The following APC variants were observed in gnomAD, a reference collection of about 807,000 sequenced individuals.
APC encodes the protein adenomatous polyposis coli protein.
In APC, 72 loss-of-function variants were observed where a neutral mutation model predicts 247.0. That is an observed-to-expected ratio of 0.29 (90% confidence interval 0.24 to 0.35). The LOEUF (loss-of-function observed/expected upper bound fraction) is 0.35, where lower values mean the gene tolerates loss of function less well. Ranked by LOEUF, APC falls within the 10% of genes least tolerant of loss-of-function variation. The pLI, the probability that APC is intolerant of heterozygous loss-of-function variation, is 1.00. For synonymous variants in APC, 1,254 were observed against 1,162.5 expected (o/e 1.08, Z -1.60); for missense variants, 3,400 against 3,360.7 (o/e 1.01, Z -0.29).
intron 11 of APC, among the ~76,000 whole-genome samples, chr5:112,826,905 G>A (rs892346730): frequency 2.0e-5 from 3 of 152,118 alleles, no homozygotes; most frequent in Non-Finnish European, 4.4e-5. Context: ...GCATAAAATG[G>A]AATAATTGTC....
At chr5:112,707,674 G>GA in exon 1 of APC, 1 of 1,370,262 alleles carries the variant, frequency 7.3e-7, no homozygotes, top group Non-Finnish European at 9.6e-7. Context: ...TGTTGGTGAG[G>GA]AAGGTGAAGC....
intron 1 of APC, among the ~76,000 whole-genome samples, chr5:112,708,577 T>G (rs965020031): frequency 6.6e-6 from 1 of 152,212 alleles, no homozygotes; most frequent in African/African-American, 2.4e-5. Context: ...AAAGAAGACC[T>G]TATGCAGTAC....
intron 1 of APC, among the ~76,000 whole-genome samples, chr5:112,717,902 C>CTTTTTCTTTT (rs1751262311): frequency 4.5e-5 from 1 of 22,294 alleles, no homozygotes; most frequent in African/African-American, 1.6e-4. Context: ...TTTTCTTTTT[C>CTTTTTCTTTT]TTTTTCTTTT....
chr5:112,837,419 G>A, intron 15 of APC, 134 bp from the exon 16 acceptor site: 1 of 619,778 alleles, frequency 1.6e-6, no homozygotes, highest in Admixed American at 2.9e-5. Context: ...TAGAACAAAA[G>A]GAGATGTGGA....
At chr5:112,812,325 T>C (rs565917903) in intron 8 of APC, among the ~76,000 whole-genome samples, 1 of 152,322 alleles carries the variant, frequency 6.6e-6, no homozygotes, top group South Asian at 2.1e-4. Context: ...ATTTCCCTTC[T>C]ATAGACCAAG....
intron 6 of APC, among the ~76,000 whole-genome samples, chr5:112,781,214 T>C (rs924950872): frequency 2.0e-5 from 3 of 152,182 alleles, no homozygotes; most frequent in African/African-American, 2.4e-5. Context: ...TTTTTACTTC[T>C]TGTAATCTTA....
chr5:112,810,647 T>TA (rs141491248), intron 8 of APC, among the ~76,000 whole-genome samples: 1,663 of 152,290 alleles, frequency 0.011, 94 homozygotes, highest in Admixed American at 0.077. Flanking sequence ...GACAGTTGGA[T>TA]TCATCTGTGA....
In APC at chr5:112,728,129, TTTG is replaced by T. The variant is rs1282654582; in HGVS notation, c.165+20259_165+20261del. On this transcript the variant is annotated intron_variant, in intron 1 of 13. Coordinates refer to the APC transcript ENST00000507379. ...AGCTGTCGATAGTGTTACTGTGTTTTTTGTTGTTGTTGTTTTGAGACAGAGTCT... is the reference window on the plus strand; with the variant it reads ...AGCTGTCGATAGTGTTACTGTGTTTTTTGTTGTTGTTTTGAGACAGAGTCT... 3.9e-5 allele frequency among the ~76,000 whole-genome samples: 6 copies of T among 151,978 alleles called. No individual in the cohort carries two copies. The South Asian group carries it at 6.2e-4, about 16-fold the overall frequency.
intron 2 of APC, among the ~76,000 whole-genome samples, chr5:112,755,698 GA>G (rs1246797627): frequency 2.6e-5 from 4 of 152,176 alleles, no homozygotes; most frequent in Non-Finnish European, 5.9e-5. Flanking sequence ...CTATAGTGGG[GA>G]AAATGTTCTG....
chr5:112,752,348 C>A (rs1269077907), intron 1 of APC, among the ~76,000 whole-genome samples: 1 of 152,142 alleles, frequency 6.6e-6, no homozygotes, highest in Non-Finnish European at 1.5e-5. Flanking sequence ...TTTTGCCAGC[C>A]TGAAATTTTT....
At chr5:112,802,866 C>T (rs899557211) in intron 8 of APC, among the ~76,000 whole-genome samples, 1 of 151,154 alleles carries the variant, frequency 6.6e-6, no homozygotes, top group African/African-American at 2.4e-5. Context: ...ATTCAAGATG[C>T]AAAAAACAGT....
intron 10 of APC, among the ~76,000 whole-genome samples, chr5:112,820,557 C>T (rs914326063): frequency 6.6e-6 from 1 of 152,114 alleles, no homozygotes; most frequent in Admixed American, 6.6e-5. Flanking sequence ...GTGAGGGGAA[C>T]TAGTAAGATT....
intron 2 of APC, among the ~76,000 whole-genome samples, chr5:112,757,133 A>G (rs1755070556): frequency 6.6e-6 from 1 of 152,194 alleles, no homozygotes; most frequent in South Asian, 2.1e-4. Context: ...TTCAACAGAC[A>G]TCTTGTGAAT....
At position 112,844,283 on chromosome 5, in the gene APC, A is replaced by G; in HGVS notation, c.*157A>G. On this transcript the variant is annotated 3_prime_UTR_variant, in exon 16 of 16. Coordinates refer to ENST00000257430, the MANE Select transcript of APC (RefSeq NM_000038.6). ...TTCTGGAAGCCATATTTGATAGTAT[A>G]CTTTGTCTTCACTGGTCTTATTTTG... 1.4e-6 allele frequency: 1 copy of G among 710,042 alleles called. No individual in the cohort carries two copies. Among genetic ancestry groups the G allele is most frequent in the East Asian group, 2.7e-5 (1 of 36,406 alleles). 44.0% of individuals were successfully genotyped at this position (710,042 alleles called of 1,614,324 possible).
At chr5:112,808,094 G>T (rs1030339437) in intron 8 of APC, among the ~76,000 whole-genome samples, 1 of 152,204 alleles carries the variant, frequency 6.6e-6, no homozygotes, top group African/African-American at 2.4e-5. Context: ...GGCAGAGGTT[G>T]CAGGGAGCCG....
At chr5:112,815,999 G>GAT (rs2149766177) in intron 9 of APC, among the ~76,000 whole-genome samples, 1 of 152,314 alleles carries the variant, frequency 6.6e-6, no homozygotes, top group East Asian at 1.9e-4. Context: ...AAAAGTGCCA[G>GAT]ATTAGCTAAT....
intron 15 of APC, 32 bp downstream of exon 15, chr5:112,835,197 T>A (rs2149844976): frequency 6.4e-7 from 1 of 1,559,082 alleles, no homozygotes; most frequent in Non-Finnish European, 8.8e-7. Flanking sequence ...ACTTTTAAAG[T>A]ACAGAATTCA....
intron 1 of APC, among the ~76,000 whole-genome samples, chr5:112,741,138 A>T (rs1351449286): frequency 6.6e-6 from 1 of 152,206 alleles, no homozygotes; most frequent in African/African-American, 2.4e-5. Flanking sequence ...ATCTTTGAAA[A>T]ATGCTGGAGT....
chr5:112,826,882 G>T (rs1164104405), intron 11 of APC, among the ~76,000 whole-genome samples: 1 of 152,134 alleles, frequency 6.6e-6, no homozygotes, highest in Non-Finnish European at 1.5e-5. Context: ...AGGGGCTGGG[G>T]GTGGAGAAAC....
Sources: allele counts gnomAD v4.1 joint callset (sites outside exome capture counted in the v4.1 genomes callset), GRCh38; gene constraint gnomAD v4.1.1; transcripts MANE v1.5; gene names NCBI Gene and HGNC (gene_info 2026-07-23, HGNC 2026-07-21).